MTM1: variants seen among roughly 807,000 people sequenced by gnomAD.
The protein encoded by MTM1 is myotubularin 1.
Under a neutral mutation model 52.1 loss-of-function variants are expected in MTM1, and 9 were observed. The observed-to-expected ratio is 0.17, with a 90% CI of 0.10 to 0.30. The LOEUF (loss-of-function observed/expected upper bound fraction) is 0.30. MTM1 is among the 10% of genes least tolerant of loss of function. The pLI, the probability that MTM1 is intolerant of heterozygous loss-of-function variation, is 1.00. For synonymous variants in MTM1, 136 were observed against 163.8 expected, an observed-to-expected ratio of 0.83 and a Z score of 1.29; for missense variants, 277 against 470.7, an observed-to-expected ratio of 0.59 and a Z score of 3.81.
chrX:150,652,104 G>A (rs2040031063), intron 10 of MTM1, among the ~76,000 whole-genome samples: 1 of 111,281 alleles, frequency 9.0e-6, no homozygotes, highest in East Asian at 2.8e-4. Context: ...GGCTTTTCAA[G>A]TCATGGGAAG....
chrX:150,580,163 C>T (rs2038553698), intron 1 of MTM1, among the ~76,000 whole-genome samples: 1 of 111,615 alleles, frequency 9.0e-6, no homozygotes, highest in African/African-American at 3.3e-5. Context: ...TTCCTGATTT[C>T]CTGAGGGTGT....
At chrX:150,613,683 A>G (rs222397) in intron 4 of MTM1, among the ~76,000 whole-genome samples, 40,060 of 110,881 alleles carry the variant, frequency 0.36, 5,307 homozygotes, top group South Asian at 0.55. Flanking sequence ...ATATCCTGGA[A>G]CGGTTGTGAG....
intron 6 of MTM1, among the ~76,000 whole-genome samples, chrX:150,620,054 T>A (rs997025118): frequency 4.5e-5 from 5 of 111,979 alleles, no homozygotes; most frequent in Non-Finnish European, 1.9e-5. Context: ...TTTAAAAATA[T>A]GTCTATATTA....
chrX:150,568,223 G>A (rs2038288884), upstream of MTM1, among the ~76,000 whole-genome samples: 1 of 112,765 alleles, frequency 8.9e-6, no homozygotes, highest in Non-Finnish European at 1.9e-5. Flanking sequence ...TTTTCCCTCT[G>A]GATTTCCCCT....
chrX:150,629,805 A>G (rs1407267711), intron 6 of MTM1, among the ~76,000 whole-genome samples: 1 of 111,286 alleles, frequency 9.0e-6, no homozygotes, highest in African/African-American at 3.3e-5. Context: ...CAGCTACCTC[A>G]TTGCCCTCCT....
In MTM1 at chrX:150,657,926, T is replaced by A. The variant is rs2040150991; in HGVS notation, c.1159T>A (p.Ser387Thr). The A allele has an allele frequency of 8.3e-7, 1 of 1,209,001 alleles. No homozygotes were observed. Among genetic ancestry groups the A allele is most frequent in the African/African-American group, 1.8e-5 (1 of 57,112 alleles). Residue 387 changes from serine (S) to threonine (T), a missense_variant, in exon 11 of 15, where the codon TCC becomes ACC. This residue lies in a region of MTM1 where 3 missense variants were observed against 27.4 expected (regional missense o/e 0.11). Coordinates refer to ENST00000370396, the MANE Select transcript of MTM1 (RefSeq NM_000252.3). ...DGWDRTAQLTSLAMLMLDSFY... is the reference protein window; with the variant it reads ...DGWDRTAQLTTLAMLMLDSFY... ...ATGGGACAGGACTGCTCAGCTGACA[T>A]CCTTGGCCATGCTGATGTTGGATAG...
At chrX:150,625,918 T>C (rs1557413391) in intron 6 of MTM1, among the ~76,000 whole-genome samples, 1 of 112,751 alleles carries the variant, frequency 8.9e-6, no homozygotes, top group African/African-American at 3.2e-5. Flanking sequence ...CAGCCTTTGC[T>C]GTGGAGACCA....
At chrX:150,571,799 C>T (rs1024241223) in intron 1 of MTM1, among the ~76,000 whole-genome samples, 20 of 111,485 alleles carry the variant, frequency 1.8e-4, no homozygotes, top group Admixed American at 1.9e-4. Flanking sequence ...TTTCTTGAGG[C>T]CAAATTTTGT....
In MTM1 at chrX:150,592,787, C is replaced by G. The variant is rs2038908124; in HGVS notation, c.63+110C>G. 11 of 527,389 alleles carry G rather than the reference C, an allele frequency of 2.1e-5. No individual in the cohort carries two copies. The South Asian group carries it at 2.9e-4, about 14-fold the overall frequency. The allele number at this position is 527,389 out of a possible 1,213,427, so 43.5% of individuals were successfully genotyped here. On this transcript the variant is annotated intron_variant, in intron 2 of 14. Coordinates refer to ENST00000370396, the MANE Select transcript of MTM1 (RefSeq NM_000252.3). ...TGAATTATGAATTTTATTATTCATT[C>G]ACATATAAATACATTTATACATGTG...
At chrX:150,657,777 G>C (rs369540414) in intron 10 of MTM1, 44 bp from the exon 11 acceptor site, 5 of 1,111,254 alleles carry the variant, frequency 4.5e-6, no homozygotes, top group African/African-American at 1.8e-5. Flanking sequence ...AATGTAAGCA[G>C]TATCTTATAA....
chrX:150,668,395 A>G (rs942460613), intron 14 of MTM1, among the ~76,000 whole-genome samples: 5 of 111,269 alleles, frequency 4.5e-5, no homozygotes, highest in Non-Finnish European at 9.4e-5. Flanking sequence ...AACATTAAAA[A>G]TTGGATCCAG....
At chrX:150,631,267 G>A (rs1557413565) in intron 6 of MTM1, among the ~76,000 whole-genome samples, 1 of 112,394 alleles carries the variant, frequency 8.9e-6, no homozygotes, top group Non-Finnish European at 1.9e-5. Flanking sequence ...TCTAAGGAGG[G>A]CAGCCTCAGG....
At chrX:150,633,515 G>C (rs1287643211) in intron 6 of MTM1, among the ~76,000 whole-genome samples, 1 of 111,666 alleles carries the variant, frequency 9.0e-6, no homozygotes, top group Non-Finnish European at 1.9e-5. Context: ...TAAAATTTTA[G>C]GCTTTCCCCT....
At chrX:150,565,274 A>T (rs1212189182), upstream of MTM1, among the ~76,000 whole-genome samples, 1 of 111,804 alleles carries the variant, frequency 8.9e-6, no homozygotes, top group Admixed American at 9.5e-5. Flanking sequence ...GGAAGCAGTT[A>T]ATGATCAGAG....
intron 4 of MTM1, among the ~76,000 whole-genome samples, chrX:150,610,702 C>T (rs2039260389): frequency 9.0e-6 from 1 of 111,498 alleles, no homozygotes. Context: ...ACGGTGGGTG[C>T]CTTTGGTCAG....
chrX:150,583,589 A>AT (rs2038684735), intron 1 of MTM1, among the ~76,000 whole-genome samples: 1 of 32,708 alleles, frequency 3.1e-5, no homozygotes, highest in Non-Finnish European at 4.6e-5. Flanking sequence ...TAATATATAT[A>AT]ATTTATATAT....
At chrX:150,566,978 G>C (rs1014993187), upstream of MTM1, among the ~76,000 whole-genome samples, 1 of 111,661 alleles carries the variant, frequency 9.0e-6, no homozygotes, top group Non-Finnish European at 1.9e-5. Flanking sequence ...GTCTGGGGAG[G>C]GGAGTTGGCA....
chrX:150,664,225 A>G (rs2040269456), intron 14 of MTM1, among the ~76,000 whole-genome samples: 1 of 112,797 alleles, frequency 8.9e-6, no homozygotes, highest in Non-Finnish European at 1.9e-5. Flanking sequence ...AACAGCCTGC[A>G]GTACTTCAGT....
intron 14 of MTM1, among the ~76,000 whole-genome samples, chrX:150,670,077 T>C (rs2040371872): frequency 8.9e-6 from 1 of 112,396 alleles, no homozygotes; most frequent in Admixed American, 9.4e-5. Context: ...CTTCAAAACA[T>C]TAACTTTCTG....
Sources: gnomAD v4.1 joint callset for allele counts (sites outside exome capture counted in the v4.1 genomes callset) on GRCh38, gnomAD v4.1.1 for gene constraint, gnomAD v4.1.1 regional missense constraint, MANE v1.5 for transcripts, NCBI Gene and HGNC (gene_info 2026-07-23, HGNC 2026-07-21) for gene names.